The following STK32B variants were observed in gnomAD, a reference collection of about 807,000 sequenced individuals.
The protein encoded by STK32B is serine/threonine-protein kinase 32B.
Under a neutral mutation model 52.6 loss-of-function variants are expected in STK32B, and 43 were observed. The ratio of observed to expected loss-of-function variants is 0.82; its 90% CI spans 0.64 to 1.05. The LOEUF (loss-of-function observed/expected upper bound fraction) is 1.05, where lower values mean the gene tolerates loss of function less well. STK32B is among the 50% of genes least tolerant of loss of function. The probability of loss-of-function intolerance (pLI) is 0.00; values close to 1 mark genes in which losing one functional copy is unlikely to be tolerated. For missense variants in STK32B, 621 were observed against 534.6 expected (o/e 1.16, Z -1.59); for synonymous variants, 238 against 204.3 (o/e 1.17, Z -1.41).
chr4:5,209,135 G>A lies in STK32B; in HGVS notation c.260+40685G>A, dbSNP rs41522744. ...AGAGATTCAGGTAACAGAAAATTGT[G>A]AGTATGGACTAACATATTAACAGTA... On this transcript the variant is annotated intron_variant, in intron 3 of 11. Transcript: ENST00000282908. Among the ~76,000 whole-genome samples, 996 of 152,344 alleles carry A rather than the reference G, an allele frequency of 6.5e-3. 12 individuals carry two copies. The highest frequency in any genetic ancestry group is 0.022 in the African/African-American group (932 of 41,588).
chr4:5,171,203 A>G (rs1719342789), intron 3 of STK32B, among the ~76,000 whole-genome samples: 2 of 151,984 alleles, frequency 1.3e-5, no homozygotes, highest in Admixed American at 6.6e-5. Flanking sequence ...GATTCTGGAT[A>G]TTAGCCCTTT....
At chr4:5,487,050 A>C (rs1362766506) in intron 11 of STK32B, among the ~76,000 whole-genome samples, 4 of 152,210 alleles carry the variant, frequency 2.6e-5, no homozygotes, top group Non-Finnish European at 5.9e-5. Context: ...AGTTTTTACA[A>C]GTTCCCTTTT....
At chr4:5,028,783 A>G in the STK32B span, among the ~76,000 whole-genome samples, 7 of 152,322 alleles carry the variant, frequency 4.6e-5, no homozygotes, top group East Asian at 1.9e-4. Flanking sequence ...TGACCCCTGT[A>G]TTAGTTCACT....
intron 3 of STK32B, among the ~76,000 whole-genome samples, chr4:5,289,978 C>A (rs1728791003): frequency 1.3e-5 from 2 of 151,794 alleles, no homozygotes; most frequent in Non-Finnish European, 2.9e-5. Context: ...AGCATAGTAC[C>A]CAATAGGTAG....
chr4:5,475,785 C>A (rs1013230870), intron 11 of STK32B, among the ~76,000 whole-genome samples: 1 of 151,422 alleles, frequency 6.6e-6, no homozygotes, highest in Non-Finnish European at 1.5e-5. Flanking sequence ...AAAATACTAT[C>A]ATTTTTAAGT....
intron 3 of STK32B, among the ~76,000 whole-genome samples, chr4:5,235,540 T>G (rs1724568241): frequency 6.6e-6 from 1 of 152,200 alleles, no homozygotes; most frequent in South Asian, 2.1e-4. Flanking sequence ...CAACTTTATC[T>G]GAGGATTTCA....
intron 5 of STK32B, among the ~76,000 whole-genome samples, chr4:5,409,946 G>C (rs1007738205): frequency 6.6e-6 from 1 of 152,172 alleles, no homozygotes; most frequent in African/African-American, 2.4e-5. Flanking sequence ...TCTTCCTACT[G>C]TCATAAGCCA....
intron 4 of STK32B, among the ~76,000 whole-genome samples, chr4:5,344,471 AC>A (rs572424374): frequency 1.1e-3 from 164 of 152,272 alleles, no homozygotes; most frequent in African/African-American, 3.8e-3. Flanking sequence ...AGTACTGATG[AC>A]CCACTCACTT....
chr4:5,169,838 A>G (rs1442832728), intron 3 of STK32B, among the ~76,000 whole-genome samples: 1 of 152,232 alleles, frequency 6.6e-6, no homozygotes, highest in Admixed American at 6.5e-5. Context: ...ATTACCCAGA[A>G]GCTCTTCAGA....
chr4:5,065,599 C>G (rs773327647), intron 1 of STK32B, among the ~76,000 whole-genome samples: 1 of 152,212 alleles, frequency 6.6e-6, no homozygotes, highest in African/African-American at 2.4e-5. Context: ...TTGGCAATGC[C>G]TAGCACGAGG....
intron 1 of STK32B, among the ~76,000 whole-genome samples, chr4:5,129,996 TC>T (rs1237995533): frequency 6.6e-6 from 1 of 151,994 alleles, no homozygotes; most frequent in African/African-American, 2.4e-5. Context: ...GGAGTTGACA[TC>T]CCAAAGGAGA....
chr4:5,138,534 T>C (rs1246523523), intron 1 of STK32B, among the ~76,000 whole-genome samples: 5 of 152,198 alleles, frequency 3.3e-5, no homozygotes, highest in African/African-American at 7.2e-5. Context: ...CATTCAGTCA[T>C]TCCTCCTGTT....
chr4:5,135,532 T>G (rs189371713), intron 1 of STK32B, among the ~76,000 whole-genome samples: 7 of 152,224 alleles, frequency 4.6e-5, no homozygotes, highest in African/African-American at 1.7e-4. Flanking sequence ...TAGCTTCTAG[T>G]AATAGACAAC....
chr4:5,302,091 G>A (rs1257334018), intron 3 of STK32B, among the ~76,000 whole-genome samples: 1 of 150,288 alleles, frequency 6.7e-6, no homozygotes, highest in African/African-American at 2.4e-5. Context: ...GTATTTTTGA[G>A]TTATTTTCTT....
chr4:5,249,479 C>G (rs1560259363), intron 3 of STK32B, among the ~76,000 whole-genome samples: 1 of 146,880 alleles, frequency 6.8e-6, no homozygotes, highest in African/African-American at 2.6e-5. Flanking sequence ...TCCTTCCTTC[C>G]TTCCTTCCTT....
intron 6 of STK32B, among the ~76,000 whole-genome samples, chr4:5,437,106 C>A (rs1317005333): frequency 6.6e-6 from 1 of 152,234 alleles, no homozygotes; most frequent in East Asian, 1.9e-4. Flanking sequence ...TTACTCCTGG[C>A]GGTTGCCCAG....
At position 5,061,817 on chromosome 4, in the gene STK32B, T is replaced by A. The variant is rs545239338; in HGVS notation, c.52+9902T>A. Among the ~76,000 whole-genome samples, 3 of 152,302 alleles carry A rather than the reference T, an allele frequency of 2.0e-5. No individual in the cohort carries two copies. In the East Asian group the frequency reaches 5.8e-4, roughly 29 times the overall value. ...GGTAGTTCCTGATGTTCAGTGTTTGTCGCCTCCCTGAAGCCTGCAAGTGCT... is the reference window on the plus strand; with the variant it reads ...GGTAGTTCCTGATGTTCAGTGTTTGACGCCTCCCTGAAGCCTGCAAGTGCT... On this transcript the variant is annotated intron_variant, in intron 1 of 11. Coordinates refer to ENST00000282908, the MANE Select transcript of STK32B (RefSeq NM_018401.3).
intron 3 of STK32B, among the ~76,000 whole-genome samples, chr4:5,311,739 A>C (rs1035780291): frequency 1.3e-5 from 2 of 152,108 alleles, no homozygotes; most frequent in Non-Finnish European, 2.9e-5. Context: ...CTAAGGAAAA[A>C]ATGAACACTC....
chr4:5,071,877 G>A (rs370958088), intron 1 of STK32B, among the ~76,000 whole-genome samples: 1 of 152,074 alleles, frequency 6.6e-6, no homozygotes, highest in Non-Finnish European at 1.5e-5. Flanking sequence ...TGATGGGTAG[G>A]GAGAGAAACA....
Sources: allele counts gnomAD v4.1 joint callset (sites outside exome capture counted in the v4.1 genomes callset), GRCh38; gene constraint gnomAD v4.1.1; transcripts MANE v1.5; gene names NCBI Gene and HGNC (gene_info 2026-07-23, HGNC 2026-07-21).